The following SLC1A3 variants were observed in gnomAD, a reference collection of about 807,000 sequenced individuals.
SLC1A3 encodes solute carrier family 1 member 3.
SLC1A3 carries 21 observed loss-of-function variants against 48.1 expected under a neutral mutation model. The ratio of observed to expected loss-of-function variants is 0.44; its 90% CI spans 0.31 to 0.63. The LOEUF (loss-of-function observed/expected upper bound fraction) is 0.63, where lower values mean the gene tolerates loss of function less well. Ranked by LOEUF, SLC1A3 falls within the 20% of genes least tolerant of loss-of-function variation. The pLI is 0.08. For missense variants in SLC1A3, 546 were observed against 689.0 expected (o/e 0.79, Z 2.32); for synonymous variants, 239 against 251.4 (o/e 0.95, Z 0.47).
intron 2 of SLC1A3, among the ~76,000 whole-genome samples, chr5:36,624,260 T>C (rs1000686246): frequency 2.0e-5 from 3 of 152,228 alleles, no homozygotes; most frequent in East Asian, 3.8e-4. Flanking sequence ...TTAGTTAATG[T>C]CATTCAAAAT....
upstream of SLC1A3, among the ~76,000 whole-genome samples, chr5:36,604,903 CG>C (rs1351548049): frequency 3.7e-5 from 1 of 27,320 alleles, no homozygotes. Flanking sequence ...AAAAAAAAAG[CG>C]GTGGGGGGGG....
intron 2 of SLC1A3, among the ~76,000 whole-genome samples, chr5:36,616,089 G>A (rs1350355905): frequency 2.6e-5 from 4 of 152,114 alleles, no homozygotes; most frequent in South Asian, 2.1e-4. Context: ...CCAGCTACTC[G>A]GGAGGCTGAG....
In SLC1A3 at chr5:36,649,300, A is replaced by T. The variant is rs567377775; in HGVS notation, c.319+19713A>T. On this transcript the variant is annotated intron_variant, in intron 3 of 9. Coordinates refer to ENST00000265113, the MANE Select transcript of SLC1A3 (RefSeq NM_004172.5). ...GAGGTGGAGGTTGCAGTGAACTGAG[A>T]TTGTGCCATTGCACTCCAGCCTGGG... 2.3e-5 allele frequency: 3 copies of T among 132,576 alleles called. No homozygotes were observed. In the South Asian group the frequency reaches 7.8e-4, roughly 35 times the overall value. 8.2% of individuals were successfully genotyped at this position (132,576 alleles called of 1,614,324 possible). A position where few individuals can be genotyped will look rare whatever the true frequency, so the allele number is the denominator to read the frequency against.
At chr5:36,636,600 C>CCT (rs1740398529) in intron 3 of SLC1A3, among the ~76,000 whole-genome samples, 6 of 107,778 alleles carry the variant, frequency 5.6e-5, no homozygotes, top group African/African-American at 2.1e-4. Context: ...TTTCTTCTTT[C>CCT]TTTTTTTTTT....
At chr5:36,649,203 C>T (rs1212498498) in intron 3 of SLC1A3, 1 of 152,038 alleles carries the variant, frequency 6.6e-6, no homozygotes, top group Admixed American at 6.6e-5. Context: ...ACAAAATTAG[C>T]CAGGTTTGGT....
chr5:36,616,653 T>A (rs918651153), intron 2 of SLC1A3, among the ~76,000 whole-genome samples: 1 of 152,196 alleles, frequency 6.6e-6, no homozygotes. Context: ...ATGAGGCTCG[T>A]TTATCCCTAA....
At chr5:36,644,856 G>T (rs928243692) in intron 3 of SLC1A3, among the ~76,000 whole-genome samples, 2 of 152,178 alleles carry the variant, frequency 1.3e-5, no homozygotes, top group Non-Finnish European at 1.5e-5. Context: ...CCGCCCCTGT[G>T]GTTGTCCTGT....
chr5:36,630,630 A>T (rs922763290), intron 3 of SLC1A3, among the ~76,000 whole-genome samples: 15 of 152,180 alleles, frequency 9.9e-5, no homozygotes, highest in Non-Finnish European at 2.2e-4. Flanking sequence ...GGATATTTAT[A>T]CTATCCTTCA....
chr5:36,630,233 C>G (rs1245054869), intron 3 of SLC1A3, among the ~76,000 whole-genome samples: 1 of 152,156 alleles, frequency 6.6e-6, no homozygotes, highest in East Asian at 1.9e-4. Flanking sequence ...GGATTTTTAA[C>G]AAGTGGAAGC....
intron 8 of SLC1A3, among the ~76,000 whole-genome samples, chr5:36,682,128 A>G (rs894204634): frequency 6.6e-6 from 1 of 152,232 alleles, no homozygotes; most frequent in Non-Finnish European, 1.5e-5. Context: ...AGAATATCCA[A>G]TCTATATTCA....
intron 3 of SLC1A3, among the ~76,000 whole-genome samples, chr5:36,635,475 G>GCAAC (rs1485101075): frequency 6.6e-6 from 1 of 152,214 alleles, no homozygotes; most frequent in Non-Finnish European, 1.5e-5. Flanking sequence ...GATCCCTGAA[G>GCAAC]CAACCACTTT....
At position 36,680,479 on chromosome 5, in the gene SLC1A3, A is replaced by G. The variant is rs1369602923; in HGVS notation, c.1179A>G (p.Val393=). The part of the protein sequence containing the change: ...DKRVTRFVLP[V]GATINMDGTA... Reference sequence around the variant, plus strand: ...GCGTCACCAGATTCGTGCTCCCCGTAGGAGCCACCATTAACATGGATGGGA... The same window carrying G: ...GCGTCACCAGATTCGTGCTCCCCGTGGGAGCCACCATTAACATGGATGGGA... Residue 393 remains valine (V), a synonymous_variant, in exon 8 of 10, where the codon GTA becomes GTG. Coordinates refer to ENST00000265113, the MANE Select transcript of SLC1A3 (RefSeq NM_004172.5). 6.2e-7 allele frequency: 1 copy of G among 1,614,114 alleles called. No individual in the cohort carries two copies. The highest frequency in any genetic ancestry group is 2.2e-5 in the East Asian group (1 of 44,884).
intron 3 of SLC1A3, among the ~76,000 whole-genome samples, chr5:36,658,068 A>C (rs79688373): frequency 0.12 from 17,518 of 152,262 alleles, 1,318 homozygotes; most frequent in Middle Eastern, 0.23. Flanking sequence ...AGACTTTGCC[A>C]GTCTCTAGGC....
At chr5:36,596,686 C>A (rs1402108058) in intron 1 of SLC1A3, among the ~76,000 whole-genome samples, 1 of 152,152 alleles carries the variant, frequency 6.6e-6, no homozygotes, top group South Asian at 2.1e-4. Flanking sequence ...GGGGTGAGTT[C>A]CATCTTAAAT....
chr5:36,609,784 C>A (rs1739119383), intron 2 of SLC1A3, among the ~76,000 whole-genome samples: 1 of 152,152 alleles, frequency 6.6e-6, no homozygotes, highest in African/African-American at 2.4e-5. Flanking sequence ...GAAGTAATGG[C>A]TTTCCACAGT....
At chr5:36,603,342 G>A (rs1738829608), upstream of SLC1A3, among the ~76,000 whole-genome samples, 1 of 152,170 alleles carries the variant, frequency 6.6e-6, no homozygotes, top group African/African-American at 2.4e-5. Flanking sequence ...AGCACACAGC[G>A]ATCTCATAAC....
chr5:36,633,813 T>A (rs1193599502), intron 3 of SLC1A3, among the ~76,000 whole-genome samples: 1 of 152,216 alleles, frequency 6.6e-6, no homozygotes, highest in Non-Finnish European at 1.5e-5. Flanking sequence ...TAATATTTTC[T>A]TTAAACCAAC....
chr5:36,677,239 C>T (rs1035754948), intron 6 of SLC1A3, 55 bp downstream of exon 6: 1 of 1,495,196 alleles, frequency 6.7e-7, no homozygotes, highest in Non-Finnish European at 9.3e-7. Flanking sequence ...TTGCCATCAA[C>T]ATGTGTTCTG....
chr5:36,651,295 T>C (rs954697233), intron 3 of SLC1A3, among the ~76,000 whole-genome samples: 1 of 151,998 alleles, frequency 6.6e-6, no homozygotes, highest in Non-Finnish European at 1.5e-5. Flanking sequence ...TGCACCCTAG[T>C]CTGGGCAACA....
Sources: gnomAD v4.1 joint callset for allele counts (sites outside exome capture counted in the v4.1 genomes callset) on GRCh38, gnomAD v4.1.1 for gene constraint, MANE v1.5 for transcripts, NCBI Gene and HGNC (gene_info 2026-07-23, HGNC 2026-07-21) for gene names.